Variants in CAMSAP2 observed in about 807,000 individuals in gnomAD.
CAMSAP2 encodes calmodulin-regulated spectrin-associated protein 2.
CAMSAP2 carries 26 observed loss-of-function variants against 146.1 expected under a neutral mutation model. The ratio of observed to expected loss-of-function variants is 0.18; its 90% CI spans 0.13 to 0.25. The LOEUF (loss-of-function observed/expected upper bound fraction) is 0.25, where lower values mean the gene tolerates loss of function less well. Among genes scored for constraint, CAMSAP2 ranks in the 10% least tolerant of loss-of-function variants. The pLI is 1.00. For missense variants in CAMSAP2, 1,381 were observed against 1,759.3 expected (o/e 0.78, Z 3.85); for synonymous variants, 499 against 596.6 (o/e 0.84, Z 2.38).
At chr1:200,772,567 C>T (rs1020194722) in intron 2 of CAMSAP2, among the ~76,000 whole-genome samples, 1 of 152,012 alleles carries the variant, frequency 6.6e-6, no homozygotes, top group African/African-American at 2.4e-5. Context: ...CAAGGTCATG[C>T]CACTGCACTC....
At chr1:200,768,197 G>T (rs780438618) in intron 2 of CAMSAP2, among the ~76,000 whole-genome samples, 19 of 152,204 alleles carry the variant, frequency 1.2e-4, no homozygotes, top group Non-Finnish European at 2.4e-4. Flanking sequence ...ACCAAACTCT[G>T]TACTACACTT....
At chr1:200,772,972 A>G (rs1213884953) in intron 2 of CAMSAP2, among the ~76,000 whole-genome samples, 1 of 152,182 alleles carries the variant, frequency 6.6e-6, no homozygotes, top group Non-Finnish European at 1.5e-5. Flanking sequence ...TTTCAGATGT[A>G]TGTCCTTTTA....
At chr1:200,757,236 T>TA (rs1664678286) in intron 1 of CAMSAP2, among the ~76,000 whole-genome samples, 1 of 152,230 alleles carries the variant, frequency 6.6e-6, no homozygotes, top group African/African-American at 2.4e-5. Flanking sequence ...TTGCTTTTAA[T>TA]AAATCTGTGT....
At chr1:200,828,671 T>A in intron 4 of CAMSAP2, 1 of 1,416,100 alleles carries the variant, frequency 7.1e-7, no homozygotes, top group Non-Finnish European at 9.7e-7. Context: ...ATTGTTTATG[T>A]CTTGCTGTTA....
At chr1:200,800,116 A>G (rs138998939) in intron 2 of CAMSAP2, among the ~76,000 whole-genome samples, 6 of 152,264 alleles carry the variant, frequency 3.9e-5, no homozygotes, top group Non-Finnish European at 7.4e-5. Context: ...AATAAGTGCA[A>G]TGTGGTTCTG....
intron 1 of CAMSAP2, among the ~76,000 whole-genome samples, chr1:200,751,136 C>T (rs1392021892): frequency 6.6e-5 from 10 of 151,990 alleles, no homozygotes; most frequent in African/African-American, 2.4e-4. Flanking sequence ...CTCCTGACCT[C>T]AAGTGATCTG....
intron 1 of CAMSAP2, among the ~76,000 whole-genome samples, chr1:200,740,231 A>C (rs1664122827): frequency 6.6e-6 from 1 of 150,484 alleles, no homozygotes; most frequent in Non-Finnish European, 1.5e-5. Flanking sequence ...CCCAGTGAGC[A>C]ATTTTATGTT....
chr1:200,766,012 A>G (rs1367085187), intron 2 of CAMSAP2, among the ~76,000 whole-genome samples: 1 of 152,194 alleles, frequency 6.6e-6, no homozygotes, highest in Non-Finnish European at 1.5e-5. Context: ...AGATTTTCAT[A>G]CTATATTACA....
chr1:200,858,049 C>T lies in CAMSAP2; in HGVS notation c.4427C>T (p.Thr1476Ile), dbSNP rs773615419. The T allele has an allele frequency of 1.9e-6, 3 of 1,585,712 alleles. No individual in the cohort carries two copies. Among genetic ancestry groups the T allele is most frequent in the Non-Finnish European group, 1.7e-6 (2 of 1,168,896 alleles). Residue 1476 changes from threonine (T) to isoleucine (I), a missense_variant, in exon 17 of 17, where the codon ACT becomes ATT. Physicochemically the swap from Thr to Ile is moderately conservative, Grantham distance 89 (BLOSUM62 -1). Coordinates refer to ENST00000358823, the MANE Select transcript of CAMSAP2 (RefSeq NM_203459.4). ...RPVTPKKLLP[T>I]KA Reference sequence around the variant, plus strand: ...GTAACACCCAAAAAACTTTTACCCACTAAGGCATAGAAGTTGGGAAATACT... The same window carrying T: ...GTAACACCCAAAAAACTTTTACCCATTAAGGCATAGAAGTTGGGAAATACT...
rs1057264240 is a variant in CAMSAP2 at position 200,739,565 on chromosome 1, G to T, written c.-263G>T. On this transcript the variant is annotated 5_prime_UTR_variant, in exon 1 of 17. Transcript: ENST00000358823. This position sits in a 1 kb window ranked among gnomAD's most constrained non-coding sequence, Gnocchi z 4.8. ...GCTCGGAGGGGCGCGGGCACGGGGC[G>T]GACCTCGCGCGGACGGACGGACGGA... 1.6e-5 allele frequency: 3 copies of T among 191,860 alleles called. No individual in the cohort carries two copies. Among genetic ancestry groups the T allele is most frequent in the African/African-American group, 4.7e-5 (2 of 42,338 alleles). The allele number at this position is 191,860 out of a possible 1,614,324, so 11.9% of individuals were successfully genotyped here.
chr1:200,849,926 C>A lies in CAMSAP2; in HGVS notation c.3157C>A (p.Arg1053Ser), dbSNP rs562109955. ...ELESKGTLEQRGHNPEEKEIK... is the reference protein window; with the variant it reads ...ELESKGTLEQSGHNPEEKEIK... ...GGAATCCAAAGGGACTTTGGAACAG[C>A]GTGGACATAATCCAGAAGAAAAGGA... The change falls in exon 11 of 17, where the codon CGT (arginine) becomes AGT (serine). Residue 1053 changes from arginine to serine, a missense_variant. By Grantham distance (110) the Arg-to-Ser change is moderately radical. Transcript: ENST00000358823. The surrounding 1 kb of genome is among the most constrained non-coding windows in gnomAD (Gnocchi z 6.3). The A allele has an allele frequency of 6.2e-7, 1 of 1,614,078 alleles. No individual in the cohort carries two copies. Among genetic ancestry groups the A allele is most frequent in the Admixed American group, 1.7e-5 (1 of 60,024 alleles).
chr1:200,817,875 G>A (rs1008719511), intron 4 of CAMSAP2, among the ~76,000 whole-genome samples: 1 of 152,164 alleles, frequency 6.6e-6, no homozygotes, highest in African/African-American at 2.4e-5. Flanking sequence ...AGGTAGATTG[G>A]AATGGAATTC....
intron 1 of CAMSAP2, among the ~76,000 whole-genome samples, chr1:200,760,147 G>A (rs1664762353): frequency 6.6e-6 from 1 of 152,186 alleles, no homozygotes; most frequent in Non-Finnish European, 1.5e-5. Context: ...TGTTTTAGTC[G>A]AACTTGTCAG....
At position 200,857,569 on chromosome 1, in the gene CAMSAP2, T is replaced by C; in HGVS notation, c.4131+145T>C. 1 of 797,336 alleles carries C rather than the reference T, an allele frequency of 1.3e-6. No individual in the cohort carries two copies. Among genetic ancestry groups the C allele is most frequent in the Non-Finnish European group, 2.0e-6 (1 of 507,720 alleles). The allele number at this position is 797,336 out of a possible 1,614,324, so 49.4% of individuals were successfully genotyped here. A position where few individuals can be genotyped will look rare whatever the true frequency, so the allele number is the denominator to read the frequency against. ...TGTTTTAATTATCAGATTTAGTTTA[T>C]TTTCACATTAGGTTCTGGAAGCCTG... On this transcript the variant is annotated intron_variant, in intron 16 of 16. Coordinates refer to ENST00000358823, the MANE Select transcript of CAMSAP2 (RefSeq NM_203459.4). This position sits in a 1 kb window ranked among gnomAD's most constrained non-coding sequence, Gnocchi z 4.7.
At chr1:200,823,581 G>C (rs760530509) in intron 4 of CAMSAP2, among the ~76,000 whole-genome samples, 2 of 152,148 alleles carry the variant, frequency 1.3e-5, no homozygotes, top group Non-Finnish European at 2.9e-5. Flanking sequence ...CAGGTTTTTT[G>C]AGAAGACTAC....
Position 200,853,168 on chromosome 1 carries a change from A to G in CAMSAP2, c.3603-107A>G, listed in dbSNP as rs1667666981. 2.1e-6 allele frequency: 2 copies of G among 953,348 alleles called. No individual in the cohort carries two copies. Among genetic ancestry groups the G allele is most frequent in the African/African-American group, 1.6e-5 (1 of 60,892 alleles). 59.1% of individuals were successfully genotyped at this position (953,348 alleles called of 1,614,324 possible). On this transcript the variant is annotated intron_variant, in intron 12 of 16. Transcript: ENST00000358823. The surrounding 1 kb of genome is among the most constrained non-coding windows in gnomAD (Gnocchi z 5.1). ...CTTTTAAATGAACCATTTATTCACC[A>G]AGGTGATGAAATAGAATTCTCCTTT...
At chr1:200,795,865 AT>A (rs1487606315) in intron 2 of CAMSAP2, among the ~76,000 whole-genome samples, 1 of 152,212 alleles carries the variant, frequency 6.6e-6, no homozygotes, top group Non-Finnish European at 1.5e-5. Flanking sequence ...GCAGAATTAA[AT>A]AGCAGTTAAA....
At chr1:200,856,637 A>G (rs768626933) in intron 15 of CAMSAP2, among the ~76,000 whole-genome samples, 1 of 152,240 alleles carries the variant, frequency 6.6e-6, no homozygotes, top group South Asian at 2.1e-4. Context: ...TAAATAAATG[A>G]AGCAGGAGAG....
At chr1:200,814,630 AAAAACAAG>A (rs1482967345) in intron 3 of CAMSAP2, among the ~76,000 whole-genome samples, 59 of 117,202 alleles carry the variant, frequency 5.0e-4, no homozygotes, top group African/African-American at 1.5e-3. Flanking sequence ...AAAAAAAAAA[AAAAACAAG>A]AAGAAGATAT....
Sources: allele counts gnomAD v4.1 joint callset (sites outside exome capture counted in the v4.1 genomes callset), GRCh38; gene constraint gnomAD v4.1.1; non-coding constraint Gnocchi (gnomAD v3.1); transcripts MANE v1.5; gene names NCBI Gene and HGNC (gene_info 2026-07-23, HGNC 2026-07-21).